MYO3A: variants seen among roughly 807,000 people sequenced by gnomAD.
The protein encoded by MYO3A is myosin IIIA, also known as myosin-IIIa.
MYO3A carries 180 observed loss-of-function variants against 192.7 expected under a neutral mutation model. The observed-to-expected ratio is 0.93, with a 90% CI of 0.83 to 1.06. The LOEUF is 1.06. Among genes scored for constraint, MYO3A ranks in the 50% least tolerant of loss-of-function variants. The pLI is 0.00. For synonymous variants in MYO3A, 628 were observed against 645.3 expected (o/e 0.97, Z 0.41); for missense variants, 1,896 against 1,905.0 (o/e 1.00, Z 0.09).
chr10:25,967,901 A>G (rs1838360150), intron 4 of MYO3A, among the ~76,000 whole-genome samples: 1 of 152,206 alleles, frequency 6.6e-6, no homozygotes, highest in East Asian at 1.9e-4. Flanking sequence ...AAACTGAAGC[A>G]TAGTTATCAA....
At chr10:26,166,985 T>C (rs888864756) in intron 27 of MYO3A, among the ~76,000 whole-genome samples, 2 of 152,186 alleles carry the variant, frequency 1.3e-5, no homozygotes, top group Non-Finnish European at 1.5e-5. Context: ...ATTGGTCTTC[T>C]CAGGTATTCT....
intron 14 of MYO3A, among the ~76,000 whole-genome samples, chr10:26,082,435 C>A (rs1234625745): frequency 1.3e-5 from 2 of 151,892 alleles, no homozygotes; most frequent in African/African-American, 2.4e-5. Context: ...GATTTTGTAT[C>A]CTAAGATTTT....
At chr10:26,115,406 A>G (rs748431638) in intron 17 of MYO3A, among the ~76,000 whole-genome samples, 2 of 152,228 alleles carry the variant, frequency 1.3e-5, no homozygotes, top group African/African-American at 2.4e-5. Flanking sequence ...CAAAGAAGGC[A>G]TGCTTGTGCT....
intron 34 of MYO3A, among the ~76,000 whole-genome samples, chr10:26,205,784 TA>T (rs1208744870): frequency 1.3e-5 from 2 of 151,642 alleles, no homozygotes; most frequent in South Asian, 2.1e-4. Context: ...TCCCGGCTAA[TA>T]TTTTTTTGTA....
chr10:26,029,252 A>T (rs1250985627), intron 10 of MYO3A, among the ~76,000 whole-genome samples: 1 of 151,808 alleles, frequency 6.6e-6, no homozygotes, highest in Non-Finnish European at 1.5e-5. Flanking sequence ...AGTCTTGTTT[A>T]TCCTGTTAAA....
At chr10:25,987,989 G>GAT (rs376788000) in intron 4 of MYO3A, among the ~76,000 whole-genome samples, 6,587 of 151,910 alleles carry the variant, frequency 0.043, 179 homozygotes, top group Middle Eastern at 0.068. Context: ...AAGAAAATGT[G>GAT]ATATATATAT....
At chr10:26,119,338 C>G (rs1838708904) in intron 17 of MYO3A, among the ~76,000 whole-genome samples, 1 of 152,172 alleles carries the variant, frequency 6.6e-6, no homozygotes, top group Non-Finnish European at 1.5e-5. Flanking sequence ...ACGGCCTGAA[C>G]ACCCCAAGGA....
chr10:25,955,674 T>C (rs1392184491), intron 4 of MYO3A, among the ~76,000 whole-genome samples: 2 of 152,222 alleles, frequency 1.3e-5, no homozygotes, highest in Non-Finnish European at 2.9e-5. Context: ...CTGATTTTCA[T>C]TGAACATTAT....
At chr10:26,049,498 G>T (rs1375454422) in intron 10 of MYO3A, among the ~76,000 whole-genome samples, 1 of 152,138 alleles carries the variant, frequency 6.6e-6, no homozygotes, top group Non-Finnish European at 1.5e-5. Flanking sequence ...CTGATGGAAG[G>T]AGGAGGTTGA....
In MYO3A at chr10:26,120,798, G is replaced by T. The variant is rs1004108483; in HGVS notation, c.1899G>T (p.Glu633Asp). 11 of 1,613,892 alleles carry T rather than the reference G, an allele frequency of 6.8e-6. No individual in the cohort carries two copies. The highest frequency in any genetic ancestry group is 8.5e-6 in the Non-Finnish European group (10 of 1,179,980). ...ACATTTCTAATCATACAGCCCTGGA[G>T]AACTGTAAGTTTTATTACCTTCTAT... Reference protein sequence around the residue: ...KSHISNHTALENCASLLCIRA... With the variant: ...KSHISNHTALDNCASLLCIRA... The change falls in exon 18 of 35, where the codon GAG (glutamate) becomes GAT (aspartate). Residue 633 changes from glutamate to aspartate, a missense_variant. Glu to Asp is a conservative substitution (Grantham distance 45). Transcript: ENST00000642920.
intron 14 of MYO3A, among the ~76,000 whole-genome samples, chr10:26,077,341 T>C (rs1835658163): frequency 1.3e-5 from 2 of 150,300 alleles, no homozygotes; most frequent in Admixed American, 6.7e-5. Context: ...GATTTGTATA[T>C]ATTAATCTCG....
At position 26,068,027 on chromosome 10, in the gene MYO3A, G is replaced by A. The variant is rs539042918; in HGVS notation, c.1054-741G>A. Reference sequence around the variant, plus strand: ...AAATCATGTTGGCAAGTCAGAGATTGCAGCACCTTTCTGAATTCTTACATA... The same window carrying A: ...AAATCATGTTGGCAAGTCAGAGATTACAGCACCTTTCTGAATTCTTACATA... On this transcript the variant is annotated intron_variant, in intron 11 of 34. Coordinates refer to ENST00000642920, the MANE Select transcript of MYO3A (RefSeq NM_017433.5). 3.3e-5 allele frequency among the ~76,000 whole-genome samples: 5 copies of A among 152,272 alleles called. No individual in the cohort carries two copies. The South Asian group carries it at 1.0e-3, about 32-fold the overall frequency.
intron 26 of MYO3A, among the ~76,000 whole-genome samples, chr10:26,160,007 T>C (rs1841403341): frequency 1.3e-5 from 2 of 152,022 alleles, no homozygotes; most frequent in African/African-American, 4.8e-5. Context: ...AAATACTAGA[T>C]ACAAAGGAGT....
intron 10 of MYO3A, among the ~76,000 whole-genome samples, chr10:26,066,348 C>T (rs1278441690): frequency 6.6e-6 from 1 of 152,038 alleles, no homozygotes; most frequent in Non-Finnish European, 1.5e-5. Context: ...ACAATCATCC[C>T]CAAAATAAAA....
chr10:26,037,805 G>A (rs908442655), intron 10 of MYO3A, among the ~76,000 whole-genome samples: 9 of 147,474 alleles, frequency 6.1e-5, no homozygotes, highest in South Asian at 2.1e-4. Flanking sequence ...TTCACATGGC[G>A]TCAGGAGTGA....
At chr10:26,045,749 C>A (rs1843604257) in intron 10 of MYO3A, among the ~76,000 whole-genome samples, 1 of 152,094 alleles carries the variant, frequency 6.6e-6, no homozygotes, top group East Asian at 1.9e-4. Context: ...AAATCTTTAC[C>A]CACCTTTCTG....
At chr10:26,094,901 A>G (rs76552205) in intron 15 of MYO3A, among the ~76,000 whole-genome samples, 9,308 of 152,260 alleles carry the variant, frequency 0.061, 370 homozygotes, top group Non-Finnish European at 0.089. Flanking sequence ...CGTTCCATGT[A>G]CTTCATATGG....
At chr10:26,047,625 A>G (rs1843707579) in intron 10 of MYO3A, among the ~76,000 whole-genome samples, 1 of 151,872 alleles carries the variant, frequency 6.6e-6, no homozygotes, top group South Asian at 2.1e-4. Flanking sequence ...TACAAAAAAA[A>G]TTAGCCGGGC....
chr10:26,202,873 A>G, intron 33 of MYO3A, 91 bp from the exon 34 acceptor site: 1 of 1,391,678 alleles, frequency 7.2e-7, no homozygotes, highest in South Asian at 1.2e-5. Flanking sequence ...AAATTATAGT[A>G]AATACTTTTA....
Sources: gnomAD v4.1 joint callset for allele counts (sites outside exome capture counted in the v4.1 genomes callset) on GRCh38, gnomAD v4.1.1 for gene constraint, MANE v1.5 for transcripts, NCBI Gene and HGNC (gene_info 2026-07-23, HGNC 2026-07-21) for gene names.